LINGO2: variants seen among roughly 807,000 people sequenced by gnomAD.
The protein encoded by LINGO2 is leucine-rich repeat and immunoglobulin-like domain-containing nogo receptor-interacting protein 2.
A neutral mutation model predicts 30.6 loss-of-function variants in LINGO2; 14 were observed. The ratio of observed to expected loss-of-function variants is 0.46; its 90% confidence interval spans 0.30 to 0.72. The LOEUF is 0.72. Among genes scored for constraint, LINGO2 ranks in the 30% least tolerant of loss-of-function variants. LINGO2 has a pLI of 0.07. For missense variants in LINGO2, 729 were observed against 751.7 expected (o/e 0.97, Z 0.35); for synonymous variants, 317 against 288.5 (o/e 1.10, Z -1.00).
the LINGO2 span, among the ~76,000 whole-genome samples, chr9:28,865,098 T>G: frequency 6.6e-6 from 1 of 151,906 alleles, no homozygotes; most frequent in African/African-American, 2.4e-5. Flanking sequence ...AAGGGTGGGG[T>G]AAGTGTTCTA....
At chr9:28,151,980 T>A (rs1828013076) in intron 4 of LINGO2, among the ~76,000 whole-genome samples, 1 of 152,206 alleles carries the variant, frequency 6.6e-6, no homozygotes, top group African/African-American at 2.4e-5. Flanking sequence ...ATTTTTAGAC[T>A]GATTTAGAAG....
In LINGO2 at chr9:28,308,127, A is replaced by G. The variant is rs1255174168; in HGVS notation, c.-245-12761T>C. The stretch of plus-strand genomic sequence containing the variant: ...AAAAAGAGCCCTCATCGCCAAGTCA[A>G]TCCTAAGCCAAAAGAACAAAGCTGG... On this transcript the variant is annotated intron_variant, in intron 3 of 5. Transcript: ENST00000379992. Among the ~76,000 whole-genome samples, 7 of 135,712 alleles carry G rather than the reference A, an allele frequency of 5.2e-5. 1 individual carries two copies. The highest frequency in any genetic ancestry group is 1.0e-4 in the Non-Finnish European group (6 of 58,842). 89.0% of individuals were successfully genotyped at this position (135,712 alleles called of 152,430 possible). A position where few individuals can be genotyped will look rare whatever the true frequency, so the allele number is the denominator to read the frequency against.
intron 4 of LINGO2, among the ~76,000 whole-genome samples, chr9:28,095,168 T>C (rs865850666): frequency 5.9e-5 from 9 of 152,046 alleles, no homozygotes; most frequent in Non-Finnish European, 1.0e-4. Context: ...CCAAAAACCA[T>C]TGAAGAAAAA....
intron 1 of LINGO2, among the ~76,000 whole-genome samples, chr9:28,620,691 C>T (rs1227254196): frequency 3.9e-5 from 6 of 151,964 alleles, no homozygotes; most frequent in Non-Finnish European, 1.5e-5. Flanking sequence ...GAGGATGGGA[C>T]TGGAGGCCAT....
At chr9:29,128,874 C>A in the LINGO2 span, among the ~76,000 whole-genome samples, 3 of 152,022 alleles carry the variant, frequency 2.0e-5, no homozygotes, top group African/African-American at 7.2e-5. Flanking sequence ...ACTAAAAGAG[C>A]ACTCAATAAG....
chr9:28,938,897 A>G, the LINGO2 span, among the ~76,000 whole-genome samples: 1 of 152,160 alleles, frequency 6.6e-6, no homozygotes, highest in Non-Finnish European at 1.5e-5. Context: ...GGAATATGTA[A>G]TGTTAAGAAA....
the LINGO2 span, among the ~76,000 whole-genome samples, chr9:29,145,000 C>T: frequency 5.9e-5 from 9 of 151,908 alleles, no homozygotes; most frequent in Admixed American, 4.6e-4. Flanking sequence ...GTTTTGGATG[C>T]GTTTGGAACA....
the LINGO2 span, among the ~76,000 whole-genome samples, chr9:29,031,269 G>GATTTA: frequency 6.6e-6 from 1 of 151,356 alleles, no homozygotes; most frequent in Non-Finnish European, 1.5e-5. Context: ...TGGTGGTGGT[G>GATTTA]GTGATTTATT....
chr9:28,565,134 T>C (rs1380376418), intron 1 of LINGO2, among the ~76,000 whole-genome samples: 1 of 152,168 alleles, frequency 6.6e-6, no homozygotes, highest in East Asian at 1.9e-4. Flanking sequence ...TCTGAAATTT[T>C]TTTGAGTTTA....
At chr9:28,876,531 G>A in the LINGO2 span, among the ~76,000 whole-genome samples, 1 of 152,044 alleles carries the variant, frequency 6.6e-6, no homozygotes, top group Non-Finnish European at 1.5e-5. Context: ...ATACTTTACT[G>A]AGAATGATGA....
intron 1 of LINGO2, among the ~76,000 whole-genome samples, chr9:28,558,672 A>G (rs1822880143): frequency 2.0e-5 from 3 of 152,078 alleles, no homozygotes; most frequent in African/African-American, 4.8e-5. Flanking sequence ...ATTTTACAAA[A>G]GAGTATCGTA....
the LINGO2 span, among the ~76,000 whole-genome samples, chr9:28,688,530 C>T: frequency 6.6e-6 from 1 of 152,132 alleles, no homozygotes; most frequent in African/African-American, 2.4e-5. Flanking sequence ...GTCACTACTT[C>T]AGGTGACATG....
chr9:28,854,254 C>T, the LINGO2 span, among the ~76,000 whole-genome samples: 5 of 151,966 alleles, frequency 3.3e-5, no homozygotes, highest in African/African-American at 1.2e-4. Context: ...CAAATTGTTA[C>T]ATATTATTAA....
intron 3 of LINGO2, among the ~76,000 whole-genome samples, chr9:28,338,768 C>T (rs10968519): frequency 0.055 from 8,429 of 152,140 alleles, 325 homozygotes; most frequent in East Asian, 0.16. Context: ...CCTGCTTCCC[C>T]TTCCACCATG....
chr9:28,111,468 T>C (rs1406603574), intron 4 of LINGO2, among the ~76,000 whole-genome samples: 1 of 152,008 alleles, frequency 6.6e-6, no homozygotes, highest in Non-Finnish European at 1.5e-5. Flanking sequence ...GTGAGTTTAC[T>C]GGAATTGTAC....
At chr9:28,592,888 C>A (rs1217198960) in intron 1 of LINGO2, among the ~76,000 whole-genome samples, 1 of 151,966 alleles carries the variant, frequency 6.6e-6, no homozygotes, top group Non-Finnish European at 1.5e-5. Context: ...CTTTCATTGT[C>A]CCCAATCCCA....
At chr9:28,538,555 T>C (rs1312570241) in intron 1 of LINGO2, among the ~76,000 whole-genome samples, 2 of 152,200 alleles carry the variant, frequency 1.3e-5, no homozygotes, top group African/African-American at 4.8e-5. Flanking sequence ...CTTGTTCTGT[T>C]ATTACAAAAT....
the LINGO2 span, among the ~76,000 whole-genome samples, chr9:29,011,084 T>G: frequency 6.6e-6 from 1 of 152,214 alleles, no homozygotes; most frequent in East Asian, 1.9e-4. Flanking sequence ...AAAATTCCAT[T>G]AAACATTGGT....
At chr9:28,373,262 T>C (rs1820974972) in intron 2 of LINGO2, among the ~76,000 whole-genome samples, 1 of 152,144 alleles carries the variant, frequency 6.6e-6, no homozygotes, top group Non-Finnish European at 1.5e-5. Flanking sequence ...GGCAAGATTA[T>C]TTTAAGGTGC....
Sources: allele counts gnomAD v4.1 joint callset (sites outside exome capture counted in the v4.1 genomes callset), GRCh38; gene constraint gnomAD v4.1.1; transcripts MANE v1.5; gene names NCBI Gene and HGNC (gene_info 2026-07-23, HGNC 2026-07-21).